The following GRM1 variants were observed in gnomAD, a reference collection of about 807,000 sequenced individuals.
GRM1 encodes metabotropic glutamate receptor 1.
A neutral mutation model predicts 90.9 loss-of-function variants in GRM1; 33 were observed. That is an observed-to-expected ratio of 0.36 (90% CI 0.28 to 0.49). The LOEUF (loss-of-function observed/expected upper bound fraction) is 0.49, where lower values mean the gene tolerates loss of function less well. Ranked by LOEUF, GRM1 falls within the 20% of genes least tolerant of loss-of-function variation. The probability of loss-of-function intolerance (pLI) is 0.99; values close to 1 mark genes in which losing one functional copy is unlikely to be tolerated. For synonymous variants in GRM1, 700 were observed against 613.2 expected (o/e 1.14, Z -2.09); for missense variants, 1,190 against 1,534.3 (o/e 0.78, Z 3.75).
intron 2 of GRM1, among the ~76,000 whole-genome samples, chr6:146,294,107 AT>A (rs1420448466): frequency 1.3e-5 from 2 of 151,300 alleles, no homozygotes; most frequent in African/African-American, 2.4e-5. Context: ...CAATTTTATT[AT>A]TTTTTGCTTT....
chr6:146,037,786 T>C (rs1403206649), intron 1 of GRM1, among the ~76,000 whole-genome samples: 1 of 152,056 alleles, frequency 6.6e-6, no homozygotes, highest in African/African-American at 2.4e-5. Flanking sequence ...TCTGGTACCC[T>C]GGCCTTGCCA....
chr6:146,171,378 A>C (rs867090627), intron 2 of GRM1: 1 of 154,890 alleles, frequency 6.5e-6, no homozygotes, highest in Middle Eastern at 2.2e-3. Flanking sequence ...CTTTTGGGAG[A>C]TGAGCTCACT....
chr6:146,180,407 T>C (rs1000450549), intron 2 of GRM1, among the ~76,000 whole-genome samples: 2 of 152,174 alleles, frequency 1.3e-5, no homozygotes, highest in African/African-American at 4.8e-5. Context: ...AGAGGAAAAG[T>C]TATCTTAACT....
At chr6:146,059,797 TC>T (rs1318044559) in intron 1 of GRM1, among the ~76,000 whole-genome samples, 1 of 152,178 alleles carries the variant, frequency 6.6e-6, no homozygotes. Context: ...ATAGCTTCTT[TC>T]CTTAAAAATG....
intron 3 of GRM1, among the ~76,000 whole-genome samples, chr6:146,341,623 A>G (rs1784984863): frequency 1.3e-5 from 2 of 152,232 alleles, no homozygotes; most frequent in South Asian, 2.1e-4. Context: ...GGAATAACAC[A>G]TGACTCTCTA....
At chr6:146,231,748 T>C (rs188697197) in intron 2 of GRM1, among the ~76,000 whole-genome samples, 14 of 152,220 alleles carry the variant, frequency 9.2e-5, no homozygotes, top group Admixed American at 8.5e-4. Context: ...GCCTTTTTAA[T>C]TATTTCATTA....
chr6:146,225,814 C>T (rs1373789894), intron 2 of GRM1, among the ~76,000 whole-genome samples: 3 of 151,976 alleles, frequency 2.0e-5, no homozygotes, highest in African/African-American at 7.2e-5. Flanking sequence ...AAGTTAAATT[C>T]ACTTACCAAA....
chr6:146,325,738 C>T (rs1357082422), intron 3 of GRM1, among the ~76,000 whole-genome samples: 3 of 152,114 alleles, frequency 2.0e-5, no homozygotes, highest in Admixed American at 1.3e-4. Flanking sequence ...GTGAAGATTT[C>T]TGTCACATTT....
intron 1 of GRM1, among the ~76,000 whole-genome samples, chr6:146,058,471 T>G (rs768477352): frequency 6.6e-6 from 1 of 152,156 alleles, no homozygotes; most frequent in Admixed American, 6.6e-5. Context: ...ATGCTAATGA[T>G]CATCTGAGCT....
At chr6:146,105,259 A>G (rs1777188815) in intron 1 of GRM1, among the ~76,000 whole-genome samples, 1 of 152,200 alleles carries the variant, frequency 6.6e-6, no homozygotes, top group African/African-American at 2.4e-5. Context: ...CAGAAATGTG[A>G]ATTATTTCTT....
intron 2 of GRM1, among the ~76,000 whole-genome samples, chr6:146,204,812 G>T (rs1779437635): frequency 6.6e-6 from 1 of 152,190 alleles, no homozygotes; most frequent in Non-Finnish European, 1.5e-5. Context: ...TGCACGCAGA[G>T]TTCTGAAACA....
intron 2 of GRM1, among the ~76,000 whole-genome samples, chr6:146,250,877 A>G (rs1012064823): frequency 1.3e-5 from 2 of 152,224 alleles, no homozygotes; most frequent in Non-Finnish European, 2.9e-5. Flanking sequence ...GAACTATAAA[A>G]TTACATAAAG....
chr6:146,296,788 A>G (rs532530684), intron 2 of GRM1, among the ~76,000 whole-genome samples: 2 of 152,266 alleles, frequency 1.3e-5, no homozygotes, highest in South Asian at 2.1e-4. Flanking sequence ...TACTTTTTCT[A>G]CCATAGTCCT....
intron 2 of GRM1, among the ~76,000 whole-genome samples, chr6:146,270,232 A>G (rs1782064014): frequency 6.6e-6 from 1 of 152,216 alleles, no homozygotes; most frequent in African/African-American, 2.4e-5. Flanking sequence ...ATTTCCTTAA[A>G]AAAAGATTCA....
chr6:146,156,137 G>A (rs1238978257), intron 1 of GRM1, among the ~76,000 whole-genome samples: 1 of 152,154 alleles, frequency 6.6e-6, no homozygotes, highest in Non-Finnish European at 1.5e-5. Flanking sequence ...CAGGCACAGT[G>A]ACTCATGCCT....
intron 2 of GRM1, among the ~76,000 whole-genome samples, chr6:146,205,642 TAAAAACTC>T (rs2114629394): frequency 6.6e-6 from 1 of 152,328 alleles, no homozygotes; most frequent in South Asian, 2.1e-4. Flanking sequence ...AAATCAGATT[TAAAAACTC>T]AATAACTATA....
At chr6:146,376,177 C>A (rs1006592602) in intron 5 of GRM1, among the ~76,000 whole-genome samples, 1 of 152,054 alleles carries the variant, frequency 6.6e-6, no homozygotes, top group Non-Finnish European at 1.5e-5. Flanking sequence ...TATGCCTTAA[C>A]TTTGTATCCC....
intron 5 of GRM1, among the ~76,000 whole-genome samples, chr6:146,368,286 T>G (rs1028931767): frequency 2.0e-5 from 3 of 151,094 alleles, no homozygotes; most frequent in Non-Finnish European, 4.4e-5. Context: ...ATCTTTAGAT[T>G]TTTCTAAATA....
At chr6:146,205,768 C>G (rs1779473824) in intron 2 of GRM1, among the ~76,000 whole-genome samples, 1 of 152,144 alleles carries the variant, frequency 6.6e-6, no homozygotes, top group Admixed American at 6.5e-5. Context: ...TTTCTGAAGG[C>G]AAGCTGAGAG....
Sources: allele counts gnomAD v4.1 joint callset (sites outside exome capture counted in the v4.1 genomes callset), GRCh38; gene constraint gnomAD v4.1.1; transcripts MANE v1.5; gene names NCBI Gene and HGNC (gene_info 2026-07-23, HGNC 2026-07-21).